CADPS2: variants seen among roughly 807,000 people sequenced by gnomAD.
CADPS2 encodes calcium dependent secretion activator 2.
CADPS2 carries 93 observed loss-of-function variants against 172.5 expected under a neutral mutation model. That is an observed-to-expected ratio of 0.54 (90% CI 0.46 to 0.64). The LOEUF is 0.64. Among genes scored for constraint, CADPS2 ranks in the 30% least tolerant of loss-of-function variants. The probability of loss-of-function intolerance (pLI) is 0.00; values close to 1 mark genes in which losing one functional copy is unlikely to be tolerated. For missense variants in CADPS2, 1,420 were observed against 1,565.9 expected (o/e 0.91, Z 1.57); for synonymous variants, 546 against 555.2 (o/e 0.98, Z 0.23).
At chr7:122,856,979 G>A (rs1189112754) in intron 1 of CADPS2, among the ~76,000 whole-genome samples, 1 of 152,102 alleles carries the variant, frequency 6.6e-6, no homozygotes, top group Non-Finnish European at 1.5e-5. Context: ...TTCCAGTCCA[G>A]GAATATTGTG....
intron 2 of CADPS2, among the ~76,000 whole-genome samples, chr7:122,729,909 T>C (rs143259986): frequency 1.8e-3 from 267 of 151,832 alleles, no homozygotes; most frequent in African/African-American, 5.8e-3. Flanking sequence ...ATGTAAATCA[T>C]TGTTATCAGT....
chr7:122,769,460 G>A (rs1294186965), intron 1 of CADPS2, among the ~76,000 whole-genome samples: 3 of 151,904 alleles, frequency 2.0e-5, no homozygotes, highest in Admixed American at 6.6e-5. Context: ...ATTCAAATAC[G>A]TCACCTACAT....
intron 2 of CADPS2, among the ~76,000 whole-genome samples, chr7:122,735,217 A>G (rs928394965): frequency 3.3e-4 from 50 of 152,068 alleles, no homozygotes; most frequent in African/African-American, 1.2e-3. Context: ...ACCAAACTCT[A>G]GATATATTAG....
chr7:122,482,633 G>T (rs1367859239), intron 11 of CADPS2, among the ~76,000 whole-genome samples: 1 of 152,088 alleles, frequency 6.6e-6, no homozygotes, highest in African/African-American at 2.4e-5. Flanking sequence ...GATTCCTGAG[G>T]GACGGGAAAC....
At position 122,803,203 on chromosome 7, in the gene CADPS2, C is replaced by T. The variant is rs567509975; in HGVS notation, c.340-66135G>A. ...AACTCAACAAGCCACACTGGAAATA[C>T]ACTCAGTGCTGCTCATAGAAACCCA... On this transcript the variant is annotated intron_variant, in intron 1 of 29. Transcript: ENST00000449022. Among the ~76,000 whole-genome samples the T allele has an allele frequency of 2.0e-3, 302 of 152,254 alleles. 1 individual carries two copies. Among genetic ancestry groups the T allele is most frequent in the African/African-American group, 6.9e-3 (287 of 41,546 alleles).
chr7:122,586,124 A>G (rs1386722545), intron 6 of CADPS2, among the ~76,000 whole-genome samples: 1 of 151,972 alleles, frequency 6.6e-6, no homozygotes, highest in Admixed American at 6.6e-5. Context: ...ACATAAAACC[A>G]TGCATGATAT....
At chr7:122,392,784 A>T (rs2044549166) in intron 22 of CADPS2, among the ~76,000 whole-genome samples, 1 of 152,180 alleles carries the variant, frequency 6.6e-6, no homozygotes, top group South Asian at 2.1e-4. Flanking sequence ...TCTTGAAACC[A>T]TTCTTCCAAA....
chr7:122,338,702 G>A (rs1303704276), intron 28 of CADPS2, among the ~76,000 whole-genome samples: 1 of 152,072 alleles, frequency 6.6e-6, no homozygotes, highest in Non-Finnish European at 1.5e-5. Context: ...ATTAAAAAGT[G>A]AAAAATAATT....
At chr7:122,403,591 T>C (rs1003709830) in intron 20 of CADPS2, among the ~76,000 whole-genome samples, 1 of 152,182 alleles carries the variant, frequency 6.6e-6, no homozygotes, top group Non-Finnish European at 1.5e-5. Flanking sequence ...AATTAAATAT[T>C]TGTAAACATG....
intron 4 of CADPS2, 27 bp from the exon 5 acceptor site, chr7:122,621,744 T>C (rs1200725738): frequency 1.6e-6 from 2 of 1,272,344 alleles, no homozygotes; most frequent in African/African-American, 1.5e-5. Flanking sequence ...AAAATAATAG[T>C]GTTACATAAG....
intron 1 of CADPS2, among the ~76,000 whole-genome samples, chr7:122,881,526 A>G (rs369702188): frequency 1.4e-4 from 22 of 152,296 alleles, no homozygotes; most frequent in African/African-American, 5.1e-4. Context: ...TATTCCCTAT[A>G]ATTAAAAGCA....
chr7:122,876,468 C>G (rs1367975713), intron 1 of CADPS2, among the ~76,000 whole-genome samples: 1 of 152,058 alleles, frequency 6.6e-6, no homozygotes, highest in Admixed American at 6.5e-5. Context: ...CTCATGTGAT[C>G]CTCCTACCAC....
intron 14 of CADPS2, among the ~76,000 whole-genome samples, chr7:122,461,491 C>T (rs1365040872): frequency 6.6e-6 from 1 of 152,018 alleles, no homozygotes; most frequent in African/African-American, 2.4e-5. Context: ...ACTTACAAAA[C>T]ACAAAAGAAC....
intron 8 of CADPS2, among the ~76,000 whole-genome samples, chr7:122,546,273 T>C (rs1284878726): frequency 6.6e-6 from 1 of 152,156 alleles, no homozygotes; most frequent in Non-Finnish European, 1.5e-5. Flanking sequence ...ACAGTCTACA[T>C]AGGGGGCTGT....
At chr7:122,676,406 C>CAA (rs2082384802) in intron 2 of CADPS2, among the ~76,000 whole-genome samples, 1 of 152,098 alleles carries the variant, frequency 6.6e-6, no homozygotes, top group Non-Finnish European at 1.5e-5. Flanking sequence ...AAACAAGAGC[C>CAA]AAATGTTTGT....
intron 4 of CADPS2, among the ~76,000 whole-genome samples, chr7:122,628,813 G>T (rs970449709): frequency 1.3e-5 from 2 of 148,706 alleles, no homozygotes; most frequent in Admixed American, 6.8e-5. Context: ...ATTTTTTCAT[G>T]CATTTAGTCA....
intron 17 of CADPS2, among the ~76,000 whole-genome samples, chr7:122,436,055 A>G (rs2050603684): frequency 6.6e-6 from 1 of 152,104 alleles, no homozygotes; most frequent in Non-Finnish European, 1.5e-5. Context: ...ATACAGCAGA[A>G]TGCCTATAGT....
At chr7:122,361,676 G>A (rs1217369865) in intron 25 of CADPS2, among the ~76,000 whole-genome samples, 1 of 152,172 alleles carries the variant, frequency 6.6e-6, no homozygotes, top group African/African-American at 2.4e-5. Flanking sequence ...CAATGTGGAT[G>A]TTAAGAAACA....
At chr7:122,726,265 T>C (rs1472129698) in intron 2 of CADPS2, among the ~76,000 whole-genome samples, 1 of 152,060 alleles carries the variant, frequency 6.6e-6, no homozygotes, top group African/African-American at 2.4e-5. Flanking sequence ...TCCCAATAAG[T>C]ACTTTGATAA....
Sources: gnomAD v4.1 joint callset for allele counts (sites outside exome capture counted in the v4.1 genomes callset) on GRCh38, gnomAD v4.1.1 for gene constraint, MANE v1.5 for transcripts, NCBI Gene and HGNC (gene_info 2026-07-23, HGNC 2026-07-21) for gene names.